Variants in COL25A1 observed in about 807,000 individuals in gnomAD.
COL25A1 encodes the protein collagen alpha-1(XXV) chain.
Under a neutral mutation model 128.4 loss-of-function variants are expected in COL25A1, and 103 were observed. The ratio of observed to expected loss-of-function variants is 0.80; its 90% CI spans 0.68 to 0.94. COL25A1 has a LOEUF of 0.94. COL25A1 is among the 40% of genes least tolerant of loss of function. COL25A1 has a pLI of 0.00. For synonymous variants in COL25A1, 279 were observed against 277.2 expected (o/e 1.01, Z -0.06); for missense variants, 745 against 840.0 (o/e 0.89, Z 1.40).
intron 3 of COL25A1, among the ~76,000 whole-genome samples, chr4:109,180,069 A>AT (rs1491530688): frequency 1.3e-5 from 2 of 152,230 alleles, no homozygotes; most frequent in African/African-American, 2.4e-5. Flanking sequence ...AAATGGAAAT[A>AT]CGTCTGGTTA....
intron 3 of COL25A1, among the ~76,000 whole-genome samples, chr4:109,169,439 T>G (rs1023440926): frequency 2.0e-5 from 3 of 152,238 alleles, no homozygotes; most frequent in Non-Finnish European, 4.4e-5. Flanking sequence ...TTGCTGTAGC[T>G]TACATAATCT....
rs145591998 is a variant in COL25A1, at chr4:108,814,794, T to G, written c.1963-865A>C. Among the ~76,000 whole-genome samples the G allele has an allele frequency of 7.0e-4, 106 of 151,910 alleles. 1 individual carries two copies. The highest frequency in any genetic ancestry group is 1.6e-3 in the African/African-American group (66 of 41,206). On this transcript the variant is annotated intron_variant, in intron 37 of 37. Coordinates refer to ENST00000399132, the MANE Select transcript of COL25A1 (RefSeq NM_198721.4). ...TGTTTGCTTGACTTAAAATTCAAAT[T>G]GTGGCAGTCGTATAAATCACTGATT... is the stretch of plus-strand genomic sequence containing the variant.
At chr4:108,872,488 T>C (rs1738851587) in intron 19 of COL25A1, among the ~76,000 whole-genome samples, 1 of 152,166 alleles carries the variant, frequency 6.6e-6, no homozygotes, top group South Asian at 2.1e-4. Flanking sequence ...TTTAAGAAAC[T>C]ACCACTTGTG....
chr4:108,823,946 T>A, intron 35 of COL25A1: 1 of 1,430,854 alleles, frequency 7.0e-7, no homozygotes. Context: ...AGCTAGAATA[T>A]CTGGTGATAA....
chr4:109,015,744 A>G (rs1223155695), intron 5 of COL25A1, among the ~76,000 whole-genome samples: 1 of 152,274 alleles, frequency 6.6e-6, no homozygotes, highest in Non-Finnish European at 1.5e-5. Context: ...TTTACAGGAA[A>G]GTATTCACAG....
intron 3 of COL25A1, among the ~76,000 whole-genome samples, chr4:109,247,925 G>A (rs1374601799): frequency 6.6e-6 from 1 of 152,058 alleles, no homozygotes; most frequent in Non-Finnish European, 1.5e-5. Flanking sequence ...ATAACAGAAA[G>A]AAGAGAATCA....
In COL25A1 at chr4:109,137,045, C is replaced by T. The variant is rs111304358; in HGVS notation, c.368-86866G>A. ...TGTGACAGACCCGGAGTCAGAACAC[C>T]CATTCCTAGACACCTGACCCACAGA... On this transcript the variant is annotated intron_variant, in intron 3 of 37. Coordinates refer to ENST00000399132, the MANE Select transcript of COL25A1 (RefSeq NM_198721.4). 7.2e-3 allele frequency among the ~76,000 whole-genome samples: 1,091 copies of T among 152,256 alleles called. 17 individuals are homozygous for T. Among genetic ancestry groups the T allele is most frequent in the African/African-American group, 0.024 (1,004 of 41,540 alleles).
At chr4:109,235,880 A>T (rs1779443874) in intron 3 of COL25A1, among the ~76,000 whole-genome samples, 1 of 152,116 alleles carries the variant, frequency 6.6e-6, no homozygotes, top group Admixed American at 6.6e-5. Flanking sequence ...AGTTATTTCT[A>T]AGAATAACCT....
At chr4:108,885,234 G>A (rs1740640138) in intron 18 of COL25A1, among the ~76,000 whole-genome samples, 1 of 152,106 alleles carries the variant, frequency 6.6e-6, no homozygotes, top group African/African-American at 2.4e-5. Context: ...CTGGTTTCAA[G>A]GAACATCCAC....
intron 10 of COL25A1, among the ~76,000 whole-genome samples, 195 bp downstream of exon 10, chr4:108,940,344 G>C (rs565989050): frequency 6.6e-6 from 1 of 152,232 alleles, no homozygotes; most frequent in South Asian, 2.1e-4. Flanking sequence ...AGCTGGGAGT[G>C]CCCTGTGCTG....
chr4:109,186,575 C>A (rs1263152507), intron 3 of COL25A1, among the ~76,000 whole-genome samples: 1 of 152,060 alleles, frequency 6.6e-6, no homozygotes, highest in Non-Finnish European at 1.5e-5. Context: ...TTCAGGAATT[C>A]TTGAAAATCC....
At chr4:108,971,606 G>C (rs1751923712) in intron 8 of COL25A1, among the ~76,000 whole-genome samples, 1 of 152,188 alleles carries the variant, frequency 6.6e-6, no homozygotes, top group African/African-American at 2.4e-5. Context: ...GTGTGTGGCT[G>C]AGTGTTGTAG....
chr4:109,099,590 A>G (rs1241695225), intron 3 of COL25A1, among the ~76,000 whole-genome samples: 1 of 151,220 alleles, frequency 6.6e-6, no homozygotes, highest in Non-Finnish European at 1.5e-5. Flanking sequence ...CAAGGTGGGA[A>G]GTCTTTTAAA....
chr4:109,185,423 A>G (rs946465108), intron 3 of COL25A1, among the ~76,000 whole-genome samples: 9 of 152,192 alleles, frequency 5.9e-5, no homozygotes, highest in Admixed American at 1.3e-4. Flanking sequence ...TAACTTCTCT[A>G]TGGATAATCA....
chr4:108,896,337 T>C (rs879543032), intron 16 of COL25A1, among the ~76,000 whole-genome samples: 2 of 152,134 alleles, frequency 1.3e-5, no homozygotes, highest in Non-Finnish European at 2.9e-5. Context: ...TATTTTCATA[T>C]ACCTGCGCAT....
At chr4:109,221,972 T>C (rs963622519) in intron 3 of COL25A1, among the ~76,000 whole-genome samples, 4 of 151,496 alleles carry the variant, frequency 2.6e-5, no homozygotes, top group African/African-American at 9.7e-5. Context: ...TTCAGCAAAA[T>C]AGGCATATTC....
intron 23 of COL25A1, among the ~76,000 whole-genome samples, chr4:108,860,055 T>C (rs1736995715): frequency 6.6e-6 from 1 of 152,186 alleles, no homozygotes; most frequent in African/African-American, 2.4e-5. Context: ...TTTGCTTTAT[T>C]CATATTTATT....
intron 3 of COL25A1, among the ~76,000 whole-genome samples, chr4:109,212,011 C>T (rs1253509207): frequency 1.3e-5 from 2 of 152,182 alleles, no homozygotes; most frequent in East Asian, 3.9e-4. Context: ...TCAGTTTCCT[C>T]ATCTATAAAA....
At chr4:109,031,223 C>A (rs185791530) in intron 5 of COL25A1, among the ~76,000 whole-genome samples, 1 of 152,180 alleles carries the variant, frequency 6.6e-6, no homozygotes, top group Non-Finnish European at 1.5e-5. Context: ...GCCATTCTCT[C>A]GCCTCAGCCT....
Sources: gnomAD v4.1 joint callset for allele counts (sites outside exome capture counted in the v4.1 genomes callset) on GRCh38, gnomAD v4.1.1 for gene constraint, MANE v1.5 for transcripts, NCBI Gene and HGNC (gene_info 2026-07-23, HGNC 2026-07-21) for gene names.